MKKS: variants seen among roughly 807,000 people sequenced by gnomAD.
The protein encoded by MKKS is MKKS centrosomal shuttling protein, also known as molecular chaperone MKKS.
Under a neutral mutation model 33.2 loss-of-function variants are expected in MKKS, and 29 were observed. That is an observed-to-expected ratio of 0.87 (90% CI 0.65 to 1.19). The LOEUF is 1.19. Ranked by LOEUF, MKKS falls within the 50% of genes most tolerant of loss-of-function variation. The probability of loss-of-function intolerance (pLI) is 0.00; values close to 1 mark genes in which losing one functional copy is unlikely to be tolerated. For missense variants in MKKS, 661 were observed against 662.3 expected (o/e 1.00, Z 0.02); for synonymous variants, 260 against 244.0 (o/e 1.07, Z -0.61).
intron 1 of MKKS, among the ~76,000 whole-genome samples, chr20:10,423,563 A>G (rs1167260408): frequency 6.6e-6 from 1 of 152,216 alleles, no homozygotes; most frequent in Non-Finnish European, 1.5e-5. Flanking sequence ...GTGTTGTACT[A>G]TTCTCTCCAG....
chr20:10,403,013 C>T lies in MKKS; in HGVS notation c.*2234G>A, dbSNP rs190408276. On this transcript the variant is annotated 3_prime_UTR_variant, in exon 6 of 6. Transcript: ENST00000347364. ...CTGGCTTTTTTGCATCAGGGTCTCT[C>T]GTGTGGCTCCAGTGGTAGGGCTATA... The T allele has an allele frequency of 7.9e-5, 12 of 152,274 alleles. No individual in the cohort carries two copies. Among genetic ancestry groups the T allele is most frequent in the South Asian group, 2.1e-4 (1 of 4,822 alleles). The allele number at this position is 152,274 out of a possible 1,614,324, so 9.4% of individuals were successfully genotyped here. A position where few individuals can be genotyped will look rare whatever the true frequency, so the allele number is the denominator to read the frequency against.
At chr20:10,427,081 A>AG in intron 1 of MKKS, among the ~76,000 whole-genome samples, 1 of 85,700 alleles carries the variant, frequency 1.2e-5, no homozygotes, top group Admixed American at 1.1e-4. Flanking sequence ...CACACACACA[A>AG]AGTAAGGTTA....
intron 1 of MKKS, among the ~76,000 whole-genome samples, chr20:10,429,590 G>C (rs915500960): frequency 8.6e-5 from 13 of 152,020 alleles, no homozygotes; most frequent in African/African-American, 3.1e-4. Flanking sequence ...TTCCTGTTTC[G>C]TTAACAAAAA....
intron 2 of MKKS, among the ~76,000 whole-genome samples, chr20:10,415,009 A>C (rs1032541607): frequency 6.6e-6 from 1 of 152,218 alleles, no homozygotes; most frequent in Non-Finnish European, 1.5e-5. Context: ...TTGCAATTCA[A>C]TTTCAAAGTC....
intron 1 of MKKS, among the ~76,000 whole-genome samples, chr20:10,424,716 T>A (rs62187242): frequency 3.9e-5 from 6 of 152,242 alleles, no homozygotes; most frequent in Non-Finnish European, 8.8e-5. Context: ...AATTTAAATT[T>A]AGCACTTTTT....
intron 1 of MKKS, among the ~76,000 whole-genome samples, chr20:10,431,137 GTA>G (rs2065051134): frequency 6.6e-6 from 1 of 152,102 alleles, no homozygotes; most frequent in Non-Finnish European, 1.5e-5. Context: ...TTTATTGGGA[GTA>G]TATTATCTTA....
At position 10,424,137 on chromosome 20, in the gene MKKS, T is replaced by C. The variant is rs952219048; in HGVS notation, c.-648-3379A>G. 3.3e-5 allele frequency among the ~76,000 whole-genome samples: 5 copies of C among 152,140 alleles called. 1 individual carries two copies. The highest frequency in any genetic ancestry group is 4.1e-4 in the South Asian group (2 of 4,830). Reference sequence around the variant, plus strand: ...ATTTAATTCACATAAAAACAATAAGTATCACACTGTACATATAATAGTCCC... The same window carrying C: ...ATTTAATTCACATAAAAACAATAAGCATCACACTGTACATATAATAGTCCC... On this transcript the variant is annotated intron_variant, in intron 1 of 5. Coordinates refer to ENST00000347364, the MANE Select transcript of MKKS (RefSeq NM_170784.3).
intron 1 of MKKS, among the ~76,000 whole-genome samples, chr20:10,427,778 AAC>A (rs1446424564): frequency 6.6e-6 from 1 of 152,204 alleles, no homozygotes; most frequent in Non-Finnish European, 1.5e-5. Context: ...GTCTTGTAAA[AAC>A]ACACACCCCA....
chr20:10,412,476 C>T, intron 3 of MKKS, 54 bp downstream of exon 3: 3 of 1,582,546 alleles, frequency 1.9e-6, no homozygotes, highest in South Asian at 2.2e-5. Flanking sequence ...TATCTCTGCT[C>T]AAAAAAGTGT....
chr20:10,419,600 A>G (rs573581111), intron 2 of MKKS, among the ~76,000 whole-genome samples: 1 of 152,316 alleles, frequency 6.6e-6, no homozygotes, highest in East Asian at 1.9e-4. Flanking sequence ...TACCTATGAT[A>G]AAGTTCAATT....
chr20:10,411,454 C>T (rs6108558), intron 3 of MKKS, among the ~76,000 whole-genome samples: 21,949 of 152,004 alleles, frequency 0.14, 1,766 homozygotes, highest in East Asian at 0.24. Context: ...ACCCAGTATT[C>T]ACAAACTGGA....
intron 1 of MKKS, among the ~76,000 whole-genome samples, chr20:10,430,373 T>A (rs187550106): frequency 6.6e-6 from 1 of 152,206 alleles, no homozygotes; most frequent in Non-Finnish European, 1.5e-5. Flanking sequence ...ATGTGAATAA[T>A]AACATCCATA....
At chr20:10,411,871 T>C (rs1293944486) in intron 3 of MKKS, among the ~76,000 whole-genome samples, 1 of 152,246 alleles carries the variant, frequency 6.6e-6, no homozygotes, top group Non-Finnish European at 1.5e-5. Flanking sequence ...TTTAATTTGC[T>C]GAGTTTGTAA....
chr20:10,412,513 CA>C lies in MKKS; in HGVS notation c.985+16del. ...ATTTATTAACTGTAAGAGGCAAAAG[CA>C]AAGAGTGATTTTTACCTGTCATTTT... On this transcript the variant is annotated intron_variant, in intron 3 of 5. Coordinates refer to ENST00000347364, the MANE Select transcript of MKKS (RefSeq NM_170784.3). The C allele has an allele frequency of 6.2e-7, 1 of 1,611,914 alleles. No homozygotes were observed.
At chr20:10,427,905 A>G (rs2065026965) in intron 1 of MKKS, among the ~76,000 whole-genome samples, 1 of 152,232 alleles carries the variant, frequency 6.6e-6, no homozygotes, top group Non-Finnish European at 1.5e-5. Context: ...CTTGACCTAT[A>G]TCCAAGAGCT....
intron 1 of MKKS, among the ~76,000 whole-genome samples, chr20:10,429,272 C>T (rs995008966): frequency 1.3e-5 from 2 of 152,166 alleles, no homozygotes; most frequent in African/African-American, 4.8e-5. Flanking sequence ...TCTTGAGACT[C>T]CTAAGTACTC....
At chr20:10,421,259 G>A (rs978535120) in intron 1 of MKKS, among the ~76,000 whole-genome samples, 4 of 148,616 alleles carry the variant, frequency 2.7e-5, no homozygotes, top group African/African-American at 5.0e-5. Context: ...GTGAAACATC[G>A]TTTCTACTAA....
At chr20:10,415,931 G>A (rs2064935379) in intron 2 of MKKS, among the ~76,000 whole-genome samples, 1 of 152,046 alleles carries the variant, frequency 6.6e-6, no homozygotes, top group Non-Finnish European at 1.5e-5. Flanking sequence ...AAAACTTGTT[G>A]ACCTGTGGTC....
chr20:10,414,265 CT>C (rs533171103), intron 2 of MKKS, among the ~76,000 whole-genome samples: 263 of 132,268 alleles, frequency 2.0e-3, no homozygotes, highest in Middle Eastern at 3.9e-3. Flanking sequence ...GTCTCTGAGT[CT>C]TTTTTTTTTT....
Sources: gnomAD v4.1 joint callset for allele counts (sites outside exome capture counted in the v4.1 genomes callset) on GRCh38, gnomAD v4.1.1 for gene constraint, MANE v1.5 for transcripts, NCBI Gene and HGNC (gene_info 2026-07-23, HGNC 2026-07-21) for gene names.